Variants in ERBB4 observed in about 807,000 individuals in gnomAD.
ERBB4 encodes the protein erb-b2 receptor tyrosine kinase 4, also known as receptor tyrosine-protein kinase erbB-4.
In ERBB4, 42 loss-of-function variants were observed where a neutral mutation model predicts 158.0. The observed-to-expected ratio is 0.27, with a 90% CI of 0.21 to 0.34. ERBB4 has a LOEUF of 0.34. ERBB4 is among the 10% of genes least tolerant of loss of function. The probability of loss-of-function intolerance (pLI) is 1.00; values close to 1 mark genes in which losing one functional copy is unlikely to be tolerated. For synonymous variants in ERBB4, 583 were observed against 558.7 expected (o/e 1.04, Z -0.61); for missense variants, 1,333 against 1,624.1 (o/e 0.82, Z 3.08).
rs574592458 is a variant in ERBB4 at position 212,002,390 on chromosome 2, T to A, written c.235-54774A>T. 7.9e-5 allele frequency among the ~76,000 whole-genome samples: 12 copies of A among 152,294 alleles called. No individual in the cohort carries two copies. In the South Asian group the frequency reaches 1.5e-3, roughly 18 times the overall value. On this transcript the variant is annotated intron_variant, in intron 2 of 27. Transcript: ENST00000342788. ...CAAGAAATTTCTTCAGGGAGATTAA[T>A]TGCACTGTATTTGGAGCCAGTTACA... is the stretch of plus-strand genomic sequence containing the variant.
intron 2 of ERBB4, among the ~76,000 whole-genome samples, chr2:212,003,744 C>T (rs894803470): frequency 6.6e-6 from 1 of 152,062 alleles, no homozygotes; most frequent in Non-Finnish European, 1.5e-5. Context: ...GTTCCACAGC[C>T]CAGTCCAGAA....
intron 1 of ERBB4, among the ~76,000 whole-genome samples, chr2:212,452,764 T>C (rs1688065365): frequency 6.6e-6 from 1 of 152,160 alleles, no homozygotes; most frequent in South Asian, 2.1e-4. Flanking sequence ...ATTTGACCAA[T>C]TAATTCCTCT....
intron 12 of ERBB4, among the ~76,000 whole-genome samples, chr2:211,689,530 C>T (rs1344036706): frequency 1.3e-5 from 2 of 151,972 alleles, no homozygotes; most frequent in Admixed American, 6.6e-5. Flanking sequence ...TCTTATATCA[C>T]CAGTTCCCAA....
intron 3 of ERBB4, among the ~76,000 whole-genome samples, chr2:211,935,336 T>C (rs1258523896): frequency 6.6e-6 from 1 of 152,106 alleles, no homozygotes; most frequent in Admixed American, 6.6e-5. Flanking sequence ...TTTGTGAGTC[T>C]GAGTAGAGTT....
At chr2:211,680,668 C>T (rs913248634) in intron 12 of ERBB4, among the ~76,000 whole-genome samples, 1 of 152,126 alleles carries the variant, frequency 6.6e-6, no homozygotes, top group African/African-American at 2.4e-5. Flanking sequence ...AACAGCGAAA[C>T]AAATATTCCA....
intron 3 of ERBB4, among the ~76,000 whole-genome samples, chr2:211,789,594 G>C (rs1428239250): frequency 6.6e-6 from 1 of 152,138 alleles, no homozygotes; most frequent in East Asian, 1.9e-4. Flanking sequence ...TACCGCAAGA[G>C]AGATTGAATA....
chr2:211,540,301 A>T (rs540220702), intron 20 of ERBB4, among the ~76,000 whole-genome samples: 1 of 151,976 alleles, frequency 6.6e-6, no homozygotes, highest in South Asian at 2.1e-4. Context: ...TAGTGGAAAC[A>T]CACACATGAA....
At chr2:212,036,710 C>T (rs563124399) in intron 2 of ERBB4, among the ~76,000 whole-genome samples, 30 of 152,208 alleles carry the variant, frequency 2.0e-4, no homozygotes, top group Non-Finnish European at 3.4e-4. Flanking sequence ...GTGATCCTCC[C>T]GCCTCGGCCT....
intron 1 of ERBB4, among the ~76,000 whole-genome samples, chr2:212,394,569 A>G (rs2090970136): frequency 1.3e-5 from 2 of 152,090 alleles, no homozygotes; most frequent in Admixed American, 1.3e-4. Flanking sequence ...GACCATTAAT[A>G]TTCATTTTGA....
At chr2:212,282,784 A>C (rs1373591817) in intron 1 of ERBB4, among the ~76,000 whole-genome samples, 1 of 151,916 alleles carries the variant, frequency 6.6e-6, no homozygotes, top group Admixed American at 6.6e-5. Context: ...TAATTAGCCA[A>C]GTTTAGGAAA....
chr2:212,320,509 T>G (rs1181971102), intron 1 of ERBB4, among the ~76,000 whole-genome samples: 1 of 42,918 alleles, frequency 2.3e-5, no homozygotes, highest in Non-Finnish European at 6.5e-5. Flanking sequence ...TGTATTTACA[T>G]GACAGAAAAA....
At chr2:211,974,493 G>A (rs1235789650) in intron 2 of ERBB4, among the ~76,000 whole-genome samples, 1 of 152,146 alleles carries the variant, frequency 6.6e-6, no homozygotes, top group Non-Finnish European at 1.5e-5. Flanking sequence ...CATATAACCT[G>A]GGTAAATTAT....
intron 1 of ERBB4, among the ~76,000 whole-genome samples, chr2:212,168,126 G>A (rs998942522): frequency 9.3e-5 from 14 of 151,060 alleles, no homozygotes; most frequent in African/African-American, 3.4e-4. Context: ...TGGAAAAACT[G>A]GTGAAAATCA....
At chr2:212,270,896 T>A (rs1388648355) in intron 1 of ERBB4, among the ~76,000 whole-genome samples, 2 of 151,718 alleles carry the variant, frequency 1.3e-5, no homozygotes, top group Admixed American at 6.6e-5. Flanking sequence ...TTCAATCATT[T>A]AAATGGAAAC....
rs548512128 is a variant in ERBB4, at chr2:211,645,300, C to T, written c.1946+12454G>A. Among the ~76,000 whole-genome samples, 6 of 151,670 alleles carry T rather than the reference C, an allele frequency of 4.0e-5. No homozygotes were observed. The East Asian group carries it at 9.7e-4, about 24-fold the overall frequency. ...AGAGAGAAAGACAGAGAGGGAGAAG[C>T]CCTCACAATCTATTCTTAGTGTTTT... is the stretch of plus-strand genomic sequence containing the variant. On this transcript the variant is annotated intron_variant, in intron 16 of 27. Coordinates refer to ENST00000342788, the MANE Select transcript of ERBB4 (RefSeq NM_005235.3).
intron 1 of ERBB4, among the ~76,000 whole-genome samples, chr2:212,413,822 T>C (rs2105881834): frequency 6.6e-6 from 1 of 152,326 alleles, no homozygotes; most frequent in Non-Finnish European, 1.5e-5. Context: ...ACTTCAATTA[T>C]CTTCCACTGA....
chr2:212,152,074 T>C lies in ERBB4; in HGVS notation c.83-27171A>G, dbSNP rs6729526. Among the ~76,000 whole-genome samples, 534 of 152,306 alleles carry C rather than the reference T, an allele frequency of 3.5e-3. 2 individuals are homozygous for C. The highest frequency in any genetic ancestry group is 0.012 in the African/African-American group (509 of 41,580). ...TTTTACTTCATCACATTTTCTTTTA[T>C]AGATAAGCATATTTAATAGATCATA... On this transcript the variant is annotated intron_variant, in intron 1 of 27. Transcript: ENST00000342788.
At chr2:211,610,151 A>T (rs565861744) in intron 19 of ERBB4, among the ~76,000 whole-genome samples, 5 of 152,258 alleles carry the variant, frequency 3.3e-5, no homozygotes, top group African/African-American at 1.2e-4. Flanking sequence ...CATACCATAC[A>T]TGTGTAAAGA....
intron 12 of ERBB4, among the ~76,000 whole-genome samples, chr2:211,699,856 G>T (rs1158568249): frequency 6.6e-6 from 1 of 152,070 alleles, no homozygotes; most frequent in African/African-American, 2.4e-5. Context: ...AAAGAGGGGT[G>T]AAATAACATT....
Sources: allele counts gnomAD v4.1 joint callset (sites outside exome capture counted in the v4.1 genomes callset), GRCh38; gene constraint gnomAD v4.1.1; transcripts MANE v1.5; gene names NCBI Gene and HGNC (gene_info 2026-07-23, HGNC 2026-07-21).